The following PAPPA2 variants were observed in gnomAD, a reference collection of about 807,000 sequenced individuals.
PAPPA2 encodes pappalysin-2.
Under a neutral mutation model 176.4 loss-of-function variants are expected in PAPPA2, and 86 were observed. The observed-to-expected ratio is 0.49, with a 90% confidence interval of 0.41 to 0.58. PAPPA2 has a LOEUF of 0.58. Ranked by LOEUF, PAPPA2 falls within the 20% of genes least tolerant of loss-of-function variation. PAPPA2 has a pLI of 0.00. For missense variants in PAPPA2, 2,073 were observed against 2,256.9 expected (o/e 0.92, Z 1.65); for synonymous variants, 809 against 852.2 (o/e 0.95, Z 0.88).
At chr1:176,637,229 T>TA (rs1656753467) in intron 3 of PAPPA2, among the ~76,000 whole-genome samples, 1 of 152,076 alleles carries the variant, frequency 6.6e-6, no homozygotes, top group African/African-American at 2.4e-5. Context: ...AGCAAGAACA[T>TA]AAAAAATCTT....
intron 3 of PAPPA2, among the ~76,000 whole-genome samples, chr1:176,654,383 T>C (rs1657910031): frequency 1.3e-5 from 2 of 150,992 alleles, no homozygotes; most frequent in African/African-American, 2.4e-5. Context: ...GGTTTTATTT[T>C]GAGTTTTCTA....
intron 3 of PAPPA2, among the ~76,000 whole-genome samples, chr1:176,603,137 C>T (rs557787184): frequency 5.6e-4 from 85 of 152,182 alleles, no homozygotes; most frequent in Non-Finnish European, 1.1e-3. Flanking sequence ...CAGAGAGACC[C>T]CAGTCTCCAA....
At chr1:176,828,119 C>T (rs1181260956) in intron 21 of PAPPA2, among the ~76,000 whole-genome samples, 1 of 152,042 alleles carries the variant, frequency 6.6e-6, no homozygotes, top group Non-Finnish European at 1.5e-5. Flanking sequence ...AGGGCACAGG[C>T]CTGAACACCA....
At chr1:176,634,432 G>T (rs1225869817) in intron 3 of PAPPA2, among the ~76,000 whole-genome samples, 1 of 152,122 alleles carries the variant, frequency 6.6e-6, no homozygotes, top group African/African-American at 2.4e-5. Context: ...ACACACTGGG[G>T]CCTGTTGTGG....
intron 12 of PAPPA2, among the ~76,000 whole-genome samples, chr1:176,731,746 C>CAT (rs1380810029): frequency 6.7e-6 from 1 of 148,994 alleles, no homozygotes; most frequent in African/African-American, 2.6e-5. Context: ...TACATGCGTA[C>CAT]ATATATATAC....
intron 14 of PAPPA2, among the ~76,000 whole-genome samples, chr1:176,758,488 C>T (rs1663544376): frequency 6.6e-6 from 1 of 152,148 alleles, no homozygotes; most frequent in Non-Finnish European, 1.5e-5. Flanking sequence ...TCATCCAGTC[C>T]ACTCTACATT....
At chr1:176,627,325 T>A (rs1460568718) in intron 3 of PAPPA2, among the ~76,000 whole-genome samples, 1 of 152,212 alleles carries the variant, frequency 6.6e-6, no homozygotes, top group Non-Finnish European at 1.5e-5. Flanking sequence ...CATAAGTTGT[T>A]TTTTAAAAAG....
intron 1 of PAPPA2, among the ~76,000 whole-genome samples, chr1:176,495,436 A>T (rs1647551469): frequency 6.6e-6 from 1 of 151,354 alleles, no homozygotes; most frequent in East Asian, 2.0e-4. Context: ...GCTACTCGGG[A>T]GGCTGAGGCA....
chr1:176,692,116 GTC>G lies in PAPPA2; in HGVS notation c.2432-7_2432-6del. The G allele has an allele frequency of 6.3e-7, 1 of 1,593,732 alleles. No homozygotes were observed. Among genetic ancestry groups the G allele is most frequent in the Non-Finnish European group, 8.6e-7 (1 of 1,167,202 alleles). On this transcript the variant is annotated splice_polypyrimidine_tract_variant and splice_region_variant and intron_variant, in intron 5 of 22. Coordinates refer to ENST00000367662, the MANE Select transcript of PAPPA2 (RefSeq NM_020318.3). ...CTCCATCTCTTGTGCCACCTTTTTTGTCTCCACAGATGATAACTGCACTGACA... is the reference window on the plus strand; with the variant it reads ...CTCCATCTCTTGTGCCACCTTTTTTGTCCACAGATGATAACTGCACTGACA...
chr1:176,801,318 G>C (rs544091960), intron 21 of PAPPA2, among the ~76,000 whole-genome samples: 1 of 152,142 alleles, frequency 6.6e-6, no homozygotes, highest in South Asian at 2.1e-4. Flanking sequence ...CTTCTTCCCT[G>C]ATGCACACCC....
rs554940938 is a variant in PAPPA2 at position 176,530,918 on chromosome 1, C to G, written c.-916-24489C>G. Among the ~76,000 whole-genome samples the G allele has an allele frequency of 6.0e-4, 91 of 152,188 alleles. 1 individual carries two copies. Among genetic ancestry groups the G allele is most frequent in the Non-Finnish European group, 3.2e-4 (22 of 68,012 alleles). On this transcript the variant is annotated intron_variant, in intron 1 of 22. Coordinates refer to ENST00000367662, the MANE Select transcript of PAPPA2 (RefSeq NM_020318.3). Reference sequence around the variant, plus strand: ...TATGCATTTTTTCTTTTCTTTTTATCCCTACATTTGTACATTTCTACTTCT... The same window carrying G: ...TATGCATTTTTTCTTTTCTTTTTATGCCTACATTTGTACATTTCTACTTCT...
At chr1:176,541,658 G>T (rs138431796) in intron 1 of PAPPA2, among the ~76,000 whole-genome samples, 21 of 152,274 alleles carry the variant, frequency 1.4e-4, no homozygotes, top group Non-Finnish European at 2.5e-4. Context: ...GATCCACATC[G>T]AGAAGCTCAT....
At chr1:176,623,601 TCC>T (rs1238580790) in intron 3 of PAPPA2, among the ~76,000 whole-genome samples, 155 of 145,480 alleles carry the variant, frequency 1.1e-3, no homozygotes, top group African/African-American at 1.6e-3. Flanking sequence ...CTTCCTTCCT[TCC>T]TTCCTTCCTT....
chr1:176,780,006 G>C (rs1419508230), intron 17 of PAPPA2, among the ~76,000 whole-genome samples: 1 of 152,200 alleles, frequency 6.6e-6, no homozygotes, highest in Non-Finnish European at 1.5e-5. Flanking sequence ...ATCCACCTGT[G>C]TATATTCCAG....
At chr1:176,704,380 T>C (rs1403599818) in intron 9 of PAPPA2, among the ~76,000 whole-genome samples, 2 of 152,138 alleles carry the variant, frequency 1.3e-5, no homozygotes, top group Admixed American at 6.5e-5. Context: ...ACAAGAAGAA[T>C]CCATACCAAT....
intron 10 of PAPPA2, among the ~76,000 whole-genome samples, chr1:176,708,816 AGAATT>A (rs1321915171): frequency 6.6e-6 from 1 of 152,192 alleles, no homozygotes; most frequent in Non-Finnish European, 1.5e-5. Flanking sequence ...ATTGCTGTGA[AGAATT>A]GAACATGAAG....
intron 14 of PAPPA2, among the ~76,000 whole-genome samples, chr1:176,755,444 A>T (rs549371738): frequency 6.6e-6 from 1 of 152,174 alleles, no homozygotes; most frequent in Non-Finnish European, 1.5e-5. Context: ...GCTCATGCCC[A>T]TTAAACTTCA....
intron 21 of PAPPA2, among the ~76,000 whole-genome samples, chr1:176,815,868 T>A (rs1297004512): frequency 6.6e-6 from 1 of 152,024 alleles, no homozygotes; most frequent in East Asian, 1.9e-4. Flanking sequence ...TCTGGTTCAG[T>A]GAATCTGCAT....
chr1:176,806,506 A>C (rs923965487), intron 21 of PAPPA2, among the ~76,000 whole-genome samples: 1 of 152,186 alleles, frequency 6.6e-6, no homozygotes, highest in African/African-American at 2.4e-5. Context: ...AGAAAATAAA[A>C]ACCCTGTCAT....
Sources: allele counts gnomAD v4.1 joint callset (sites outside exome capture counted in the v4.1 genomes callset), GRCh38; gene constraint gnomAD v4.1.1; transcripts MANE v1.5; gene names NCBI Gene and HGNC (gene_info 2026-07-23, HGNC 2026-07-21).